The following FAM120B variants were observed in gnomAD, a reference collection of about 807,000 sequenced individuals.
FAM120B encodes the protein family with sequence similarity 120 member B, also known as constitutive coactivator of peroxisome proliferator-activated receptor gamma.
In FAM120B, 83 loss-of-function variants were observed where a neutral mutation model predicts 96.3. The observed-to-expected ratio is 0.86, with a 90% CI of 0.72 to 1.03. The LOEUF (loss-of-function observed/expected upper bound fraction) is 1.03, where lower values mean the gene tolerates loss of function less well. FAM120B is among the 50% of genes least tolerant of loss of function. FAM120B has a pLI of 0.00. For synonymous variants in FAM120B, 407 were observed against 402.7 expected (o/e 1.01, Z -0.13); for missense variants, 1,027 against 1,121.2 (o/e 0.92, Z 1.20).
Position 170,295,488 on chromosome 6 carries a change from C to CG in FAM120B, c.48+35_48+36insG. Reference sequence around the variant, plus strand: ...GCCCGCGTGCACACAAGGCGCGCGGCCCCCAGGCAGCCGCGCTTCCACAGC... The same window carrying CG: ...GCCCGCGTGCACACAAGGCGCGCGGCGCCCCAGGCAGCCGCGCTTCCACAGC... On this transcript the variant is annotated intron_variant, in intron 1 of 10. Coordinates refer to the FAM120B transcript ENST00000537664. The surrounding 1 kb of genome is among the most constrained non-coding windows in gnomAD (Gnocchi z 7.8). The CG allele has an allele frequency of 1.4e-6, 1 of 694,212 alleles. No individual in the cohort carries two copies. The highest frequency in any genetic ancestry group is 2.6e-6 in the Non-Finnish European group (1 of 381,132). The allele number at this position is 694,212 out of a possible 1,614,324, so 43.0% of individuals were successfully genotyped here.
chr6:170,294,575 A>G (rs1783956356), upstream of FAM120B, among the ~76,000 whole-genome samples: 1 of 152,174 alleles, frequency 6.6e-6, no homozygotes, highest in African/African-American at 2.4e-5. The surrounding 1 kb of genome is among the most constrained non-coding windows in gnomAD (Gnocchi z 7.9). Context: ...TATGGCCATC[A>G]TCTTATCAAA....
At position 170,405,988 on chromosome 6, in the gene FAM120B, C is replaced by G. The variant is rs1039515194; in HGVS notation, c.*1237C>G. On this transcript the variant is annotated 3_prime_UTR_variant, in exon 11 of 11. Transcript: ENST00000476287. ...GAATGGCACGTTTGTTCCTCTTTAT[C>G]TCTGAGCATTGAAGGACTTTTGGTT... is the stretch of plus-strand genomic sequence containing the variant. The G allele has an allele frequency of 6.6e-6, 1 of 151,788 alleles. No individual in the cohort carries two copies. The highest frequency in any genetic ancestry group is 1.5e-5 in the Non-Finnish European group (1 of 67,950). 9.4% of individuals were successfully genotyped at this position (151,788 alleles called of 1,614,324 possible).
intron 2 of FAM120B, among the ~76,000 whole-genome samples, chr6:170,320,284 A>G (rs972551244): frequency 1.3e-5 from 2 of 152,192 alleles, no homozygotes; most frequent in African/African-American, 4.8e-5. Context: ...CTGTGTGGTG[A>G]TACCTGGAGG....
At chr6:170,400,935 T>G (rs1302674938) in intron 9 of FAM120B, among the ~76,000 whole-genome samples, 1 of 152,106 alleles carries the variant, frequency 6.6e-6, no homozygotes, top group Admixed American at 6.5e-5. Context: ...GCTTCTTTCT[T>G]TCATGTGACG....
intron 9 of FAM120B, among the ~76,000 whole-genome samples, chr6:170,402,222 T>G (rs1778623643): frequency 6.6e-6 from 1 of 152,242 alleles, no homozygotes; most frequent in African/African-American, 2.4e-5. Flanking sequence ...TTCCTGTAGA[T>G]TCCCGAATCC....
At chr6:170,297,712 T>C (rs1784048329) in intron 1 of FAM120B, among the ~76,000 whole-genome samples, 1 of 152,168 alleles carries the variant, frequency 6.6e-6, no homozygotes, top group South Asian at 2.1e-4. Context: ...TTGGCCCACA[T>C]GGGCATAGGG....
chr6:170,337,651 G>A (rs1183054447), intron 4 of FAM120B, among the ~76,000 whole-genome samples: 5 of 152,100 alleles, frequency 3.3e-5, no homozygotes, highest in African/African-American at 1.2e-4. Flanking sequence ...CTGTGAATCC[G>A]TCTGGTCCTG....
At chr6:170,402,787 G>T (rs1022240834) in intron 9 of FAM120B, among the ~76,000 whole-genome samples, 14 of 152,212 alleles carry the variant, frequency 9.2e-5, no homozygotes, top group Non-Finnish European at 2.9e-5. Flanking sequence ...GCCTAAGGGA[G>T]CATGTTTTAC....
At chr6:170,327,692 TAC>T (rs1423810627) in intron 3 of FAM120B, among the ~76,000 whole-genome samples, 340 of 135,622 alleles carry the variant, frequency 2.5e-3, no homozygotes, top group African/African-American at 9.5e-3. Context: ...GACATGACCA[TAC>T]ACCGCTGTAG....
chr6:170,373,595 T>C (rs1368927109), intron 6 of FAM120B, among the ~76,000 whole-genome samples: 1 of 152,226 alleles, frequency 6.6e-6, no homozygotes, highest in Non-Finnish European at 1.5e-5. Flanking sequence ...AATTGGTCTT[T>C]GTTACCAAGC....
intron 1 of FAM120B, among the ~76,000 whole-genome samples, chr6:170,315,317 T>C (rs2115011988): frequency 6.6e-6 from 1 of 152,358 alleles, no homozygotes; most frequent in Non-Finnish European, 1.5e-5. Flanking sequence ...CTAAGCCTTC[T>C]TTTAAAAGCC....
chr6:170,394,450 G>A (rs974914336), intron 8 of FAM120B, among the ~76,000 whole-genome samples: 3 of 151,864 alleles, frequency 2.0e-5, no homozygotes, highest in South Asian at 2.1e-4. Context: ...CGTGGACACC[G>A]CAGCATGCCA....
At position 170,295,426 on chromosome 6, in the gene FAM120B, C is replaced by CA; in HGVS notation, c.22dup (p.Thr8AsnfsTer60). The CA allele has an allele frequency of 1.4e-6, 1 of 701,832 alleles. No homozygotes were observed. Among genetic ancestry groups the CA allele is most frequent in the Non-Finnish European group, 2.6e-6 (1 of 384,634 alleles). 43.5% of individuals were successfully genotyped at this position (701,832 alleles called of 1,614,324 possible). On this transcript the variant is annotated frameshift_variant, in exon 1 of 11. Coordinates refer to the FAM120B transcript ENST00000537664. LOFTEE classifies it high-confidence loss of function. The surrounding 1 kb of genome is among the most constrained non-coding windows in gnomAD (Gnocchi z 7.8). The stretch of plus-strand genomic sequence containing the variant: ...GGTTTATGTTTGGACCTCGAGGCTC[C>CA]ACCAGCGCTGGCGCAGGCAGGAAGG...
chr6:170,295,371 C>G lies in FAM120B; in HGVS notation c.-35C>G. On this transcript the variant is annotated 5_prime_UTR_variant, in exon 1 of 11. Coordinates refer to the FAM120B transcript ENST00000537664. The surrounding 1 kb of genome is among the most constrained non-coding windows in gnomAD (Gnocchi z 7.8). ...AAGCCCACGAAGCCATCGTTCGTCA[C>G]AGCCTGGAAAAGGGAGGGGGCATCG... The G allele has an allele frequency of 2.9e-6, 2 of 700,414 alleles. No homozygotes were observed. Among genetic ancestry groups the G allele is most frequent in the Middle Eastern group, 4.6e-4 (2 of 4,358 alleles). The allele number at this position is 700,414 out of a possible 1,614,324, so 43.4% of individuals were successfully genotyped here. A position where few individuals can be genotyped will look rare whatever the true frequency, so the allele number is the denominator to read the frequency against.
chr6:170,313,164 T>G (rs917838371), intron 1 of FAM120B, among the ~76,000 whole-genome samples: 4 of 152,238 alleles, frequency 2.6e-5, no homozygotes, highest in Admixed American at 1.3e-4. Context: ...CACCTGGTTG[T>G]TTGTGCATTC....
intron 1 of FAM120B, among the ~76,000 whole-genome samples, chr6:170,312,974 C>T (rs1583180836): frequency 1.3e-5 from 2 of 152,314 alleles, no homozygotes; most frequent in East Asian, 1.9e-4. Context: ...ATTCTTGCTA[C>T]AAGCCCCAGA....
intron 6 of FAM120B, among the ~76,000 whole-genome samples, chr6:170,383,349 G>A (rs533780865): frequency 5.9e-5 from 9 of 152,174 alleles, no homozygotes; most frequent in South Asian, 2.1e-4. Flanking sequence ...TAAAAATGTC[G>A]CTCTATTAGG....
intron 4 of FAM120B, among the ~76,000 whole-genome samples, chr6:170,333,992 C>CG (rs1786246657): frequency 1.3e-5 from 2 of 152,192 alleles, no homozygotes; most frequent in African/African-American, 4.8e-5. Flanking sequence ...CACTCCCTTA[C>CG]TAACTTTCCT....
rs112666107 is a variant in FAM120B, at chr6:170,349,604, C to T, written c.2190+1281C>T. Among the ~76,000 whole-genome samples the T allele has an allele frequency of 6.5e-3, 985 of 152,296 alleles. 11 individuals are homozygous for T. Among genetic ancestry groups the T allele is most frequent in the African/African-American group, 0.022 (915 of 41,542 alleles). On this transcript the variant is annotated intron_variant, in intron 5 of 10. Transcript: ENST00000476287. ...GCACCAATGTAAACCTTGGTTTTTG[C>T]ATTACCATTTTGAGTAGATTACTTC...
Sources: allele counts gnomAD v4.1 joint callset (sites outside exome capture counted in the v4.1 genomes callset), GRCh38; gene constraint gnomAD v4.1.1; non-coding constraint Gnocchi (gnomAD v3.1); transcripts MANE v1.5; gene names NCBI Gene and HGNC (gene_info 2026-07-23, HGNC 2026-07-21).